Variants in DCAF8L2 observed in about 807,000 individuals in gnomAD.
DCAF8L2 encodes DDB1 and CUL4 associated factor 8 like 2.
For synonymous variants in DCAF8L2, 200 were observed against 190.9 expected, an observed-to-expected ratio of 1.05 and a Z score of -0.39; for missense variants, 430 against 490.7, an observed-to-expected ratio of 0.88 and a Z score of 1.17.
chrX:27,536,548 C>G, the DCAF8L2 span, among the ~76,000 whole-genome samples: 69 of 111,884 alleles, frequency 6.2e-4, 1 homozygote, highest in East Asian at 0.016. Context: ...CTTAGTTCAG[C>G]TAAAACTGTG....
intron 3 of DCAF8L2, among the ~76,000 whole-genome samples, chrX:27,692,650 C>CT (rs1930753329): frequency 9.0e-6 from 1 of 111,723 alleles, no homozygotes; most frequent in South Asian, 3.7e-4. Context: ...TTTCATGACT[C>CT]TAAGCAGTGA....
At chrX:27,497,046 G>T in the DCAF8L2 span, among the ~76,000 whole-genome samples, 1 of 111,896 alleles carries the variant, frequency 8.9e-6, no homozygotes, top group African/African-American at 3.3e-5. Flanking sequence ...ATGGGAGTGA[G>T]ATAAGGTTGT....
chrX:27,693,877 G>A (rs1013572603), intron 3 of DCAF8L2, among the ~76,000 whole-genome samples: 2 of 111,503 alleles, frequency 1.8e-5, no homozygotes, highest in African/African-American at 6.5e-5. Flanking sequence ...AGCCAAAGGA[G>A]GATAAATCAA....
chrX:27,555,201 C>T, the DCAF8L2 span, among the ~76,000 whole-genome samples: 1 of 111,823 alleles, frequency 8.9e-6, no homozygotes, highest in African/African-American at 3.3e-5. Context: ...AATATATGGA[C>T]TCATGGCAAT....
the DCAF8L2 span, among the ~76,000 whole-genome samples, chrX:27,494,529 C>T: frequency 8.9e-6 from 1 of 112,458 alleles, no homozygotes; most frequent in African/African-American, 3.2e-5. Context: ...AAAGTGGCTA[C>T]GTTTTTCACT....
intron 2 of DCAF8L2, among the ~76,000 whole-genome samples, chrX:27,672,930 A>G (rs1929999067): frequency 9.0e-6 from 1 of 110,987 alleles, no homozygotes; most frequent in Non-Finnish European, 1.9e-5. Context: ...ACTACTTTAC[A>G]TTGAAGAAAG....
rs1306194397 is a variant in DCAF8L2, at chrX:27,679,186, T to C, written c.-143+1274T>C. Among the ~76,000 whole-genome samples, 7 of 111,912 alleles carry C rather than the reference T, an allele frequency of 6.3e-5. No individual in the cohort carries two copies. The Admixed American group carries it at 6.6e-4, about 11-fold the overall frequency. Reference sequence around the variant, plus strand: ...GGAGCCAAAGATCAATAGTGTTTCATTGCTATTTGAATCCCTCTTGGTGGA... The same window carrying C: ...GGAGCCAAAGATCAATAGTGTTTCACTGCTATTTGAATCCCTCTTGGTGGA... On this transcript the variant is annotated intron_variant, in intron 3 of 4. Coordinates refer to ENST00000451261, the MANE Select transcript of DCAF8L2 (RefSeq NM_001353450.2).
At chrX:27,643,578 T>C (rs932863321) in intron 2 of DCAF8L2, among the ~76,000 whole-genome samples, 1 of 111,941 alleles carries the variant, frequency 8.9e-6, no homozygotes, top group Admixed American at 9.5e-5. Context: ...ACATATAATA[T>C]AGCTACAATT....
At chrX:27,652,903 G>A (rs964886973) in intron 2 of DCAF8L2, among the ~76,000 whole-genome samples, 4 of 112,112 alleles carry the variant, frequency 3.6e-5, no homozygotes, top group Admixed American at 9.5e-5. Context: ...TCATAAAAAT[G>A]TTTAATTATG....
the DCAF8L2 span, chrX:27,518,037 A>G: frequency 3.0e-6 from 3 of 996,262 alleles, no homozygotes; most frequent in Non-Finnish European, 2.9e-6. Context: ...ATGTTAAAAA[A>G]GTGAATCCTT....
At chrX:27,541,276 G>A in the DCAF8L2 span, among the ~76,000 whole-genome samples, 32 of 111,849 alleles carry the variant, frequency 2.9e-4, no homozygotes, top group African/African-American at 1.0e-3. Context: ...AACAGACTGA[G>A]TGGGGAAACC....
chrX:27,531,634 TAGAG>T, the DCAF8L2 span, among the ~76,000 whole-genome samples: 1 of 111,688 alleles, frequency 9.0e-6, no homozygotes, highest in Non-Finnish European at 1.9e-5. Context: ...GTCTGAGAAA[TAGAG>T]AACATTATAC....
At chrX:27,530,893 C>G in the DCAF8L2 span, among the ~76,000 whole-genome samples, 4 of 111,896 alleles carry the variant, frequency 3.6e-5, no homozygotes, top group South Asian at 1.5e-3. Context: ...ATCATGAAAG[C>G]TTAGGATGAG....
At chrX:27,678,626 A>T (rs750125117) in intron 3 of DCAF8L2, among the ~76,000 whole-genome samples, 1 of 112,051 alleles carries the variant, frequency 8.9e-6, no homozygotes, top group Non-Finnish European at 1.9e-5. Context: ...CACTTATCTG[A>T]AGAAGCTACA....
chrX:27,701,298 C>A (rs1296798755), intron 3 of DCAF8L2, among the ~76,000 whole-genome samples: 1 of 111,140 alleles, frequency 9.0e-6, no homozygotes, highest in African/African-American at 3.3e-5. Flanking sequence ...GAAAAGTAAT[C>A]CAAACAGTTT....
chrX:27,678,058 A>G (rs1431209819), intron 3 of DCAF8L2, 146 bp downstream of exon 3: 3 of 111,731 alleles, frequency 2.7e-5, no homozygotes, highest in African/African-American at 3.2e-5. Flanking sequence ...CAAGATGATG[A>G]TATGAAAGGT....
At chrX:27,537,478 A>C in the DCAF8L2 span, among the ~76,000 whole-genome samples, 1 of 112,508 alleles carries the variant, frequency 8.9e-6, no homozygotes, top group Non-Finnish European at 1.9e-5. Context: ...CAATGGAGCA[A>C]AATGAATTGA....
chrX:27,747,033 G>C lies in DCAF8L2; in HGVS notation c.138G>C (p.Leu46=). Residue 46 remains leucine (L), a synonymous_variant, in exon 5 of 5, where the codon CTG becomes CTC. Transcript: ENST00000451261. The part of the protein sequence containing the change: ...SSDIDIATSE[L]SVTVTGDGSD... Reference sequence around the variant, plus strand: ...ACATTGACATAGCGACCTCAGAGCTGAGTGTGACAGTGACCGGAGATGGCA... The same window carrying C: ...ACATTGACATAGCGACCTCAGAGCTCAGTGTGACAGTGACCGGAGATGGCA... The C allele has an allele frequency of 8.5e-7, 1 of 1,176,046 alleles. No individual in the cohort carries two copies. Among genetic ancestry groups the C allele is most frequent in the Admixed American group, 2.5e-5 (1 of 39,952 alleles).
chrX:27,572,290 C>A, the DCAF8L2 span, among the ~76,000 whole-genome samples: 1 of 111,277 alleles, frequency 9.0e-6, no homozygotes, highest in African/African-American at 3.3e-5. Flanking sequence ...ATAATTTTTC[C>A]AAGTATTTTC....
Sources: gnomAD v4.1 joint callset for allele counts (sites outside exome capture counted in the v4.1 genomes callset) on GRCh38, gnomAD v4.1.1 for gene constraint, MANE v1.5 for transcripts, NCBI Gene and HGNC (gene_info 2026-07-23, HGNC 2026-07-21) for gene names.